The following KIAA1328 variants were observed in gnomAD, a reference collection of about 807,000 sequenced individuals.
KIAA1328 encodes KIAA1328.
Under a neutral mutation model 68.1 loss-of-function variants are expected in KIAA1328, and 52 were observed. That is an observed-to-expected ratio of 0.76 (90% CI 0.61 to 0.96). KIAA1328 has a LOEUF of 0.96. KIAA1328 is among the 40% of genes least tolerant of loss of function. KIAA1328 has a pLI of 0.00. For missense variants in KIAA1328, 641 were observed against 677.6 expected (o/e 0.95, Z 0.60); for synonymous variants, 232 against 239.4 (o/e 0.97, Z 0.28).
chr18:36,838,730 A>G (rs1393652970), intron 3 of KIAA1328, among the ~76,000 whole-genome samples: 2 of 150,074 alleles, frequency 1.3e-5, no homozygotes, highest in African/African-American at 4.9e-5. Flanking sequence ...GTTATAGTAT[A>G]CCCTGGAGTA....
chr18:37,153,135 T>G (rs2059074577), intron 7 of KIAA1328, among the ~76,000 whole-genome samples: 1 of 152,186 alleles, frequency 6.6e-6, no homozygotes, highest in South Asian at 2.1e-4. Flanking sequence ...ACCAATCTTT[T>G]GGGCCTTATG....
chr18:37,205,000 C>T (rs2060191088), intron 9 of KIAA1328, among the ~76,000 whole-genome samples: 1 of 151,892 alleles, frequency 6.6e-6, no homozygotes, highest in South Asian at 2.1e-4. Context: ...ACCAAAGGCA[C>T]CTTCTCAAGA....
intron 7 of KIAA1328, among the ~76,000 whole-genome samples, chr18:37,086,483 A>G (rs906798692): frequency 2.6e-5 from 4 of 152,086 alleles, no homozygotes; most frequent in Non-Finnish European, 5.9e-5. Flanking sequence ...CTTACCTATC[A>G]TCCTGGAAAT....
At chr18:37,109,652 C>T (rs565455080) in intron 7 of KIAA1328, among the ~76,000 whole-genome samples, 38 of 152,250 alleles carry the variant, frequency 2.5e-4, no homozygotes, top group African/African-American at 8.7e-4. Context: ...GTTGCTGCTA[C>T]CACTTATTAA....
chr18:36,900,227 T>G (rs1362240632), intron 5 of KIAA1328, among the ~76,000 whole-genome samples: 6 of 151,986 alleles, frequency 3.9e-5, no homozygotes, highest in African/African-American at 1.4e-4. Flanking sequence ...ATGTTGATAA[T>G]TTTACATAAA....
At chr18:36,852,711 AT>A (rs1406240334) in intron 4 of KIAA1328, among the ~76,000 whole-genome samples, 11 of 151,950 alleles carry the variant, frequency 7.2e-5, no homozygotes, top group African/African-American at 2.7e-4. Flanking sequence ...TTTTGTTATC[AT>A]TTCTATGTTC....
intron 5 of KIAA1328, among the ~76,000 whole-genome samples, chr18:36,926,013 TTTG>T (rs1182736701): frequency 6.6e-6 from 1 of 152,030 alleles, no homozygotes; most frequent in Non-Finnish European, 1.5e-5. Flanking sequence ...TTAGTATTGT[TTTG>T]TTGTTCTCTG....
intron 9 of KIAA1328, among the ~76,000 whole-genome samples, chr18:37,214,290 AT>A (rs1244872361): frequency 6.6e-6 from 1 of 152,204 alleles, no homozygotes; most frequent in Non-Finnish European, 1.5e-5. Flanking sequence ...TAGGTCTAAC[AT>A]TTAAGTCTTT....
At chr18:37,012,918 T>C (rs1410676412) in intron 6 of KIAA1328, among the ~76,000 whole-genome samples, 2 of 152,198 alleles carry the variant, frequency 1.3e-5, no homozygotes, top group African/African-American at 4.8e-5. Flanking sequence ...TGTCCCTTTT[T>C]GGGACAGCAT....
chr18:36,905,205 G>A (rs576268944), intron 5 of KIAA1328, among the ~76,000 whole-genome samples: 21 of 151,776 alleles, frequency 1.4e-4, no homozygotes, highest in Non-Finnish European at 2.8e-4. Flanking sequence ...TCCGCCTCCC[G>A]GATTCAAGTG....
At chr18:36,939,162 T>C (rs921639689) in intron 5 of KIAA1328, among the ~76,000 whole-genome samples, 1 of 152,172 alleles carries the variant, frequency 6.6e-6, no homozygotes, top group African/African-American at 2.4e-5. Flanking sequence ...AAAATGGCAC[T>C]GAATGTGTTG....
At chr18:37,163,452 G>C (rs997355721) in intron 8 of KIAA1328, among the ~76,000 whole-genome samples, 1 of 152,140 alleles carries the variant, frequency 6.6e-6, no homozygotes, top group African/African-American at 2.4e-5. Context: ...TTACCTGATG[G>C]TAGAGATTGT....
At chr18:36,915,632 T>C (rs1270371084) in intron 5 of KIAA1328, among the ~76,000 whole-genome samples, 1 of 152,144 alleles carries the variant, frequency 6.6e-6, no homozygotes, top group Non-Finnish European at 1.5e-5. Context: ...TAGTATTATC[T>C]TACACACCTT....
chr18:37,154,183 AG>A (rs1205748094), intron 7 of KIAA1328, among the ~76,000 whole-genome samples: 1 of 152,220 alleles, frequency 6.6e-6, no homozygotes, highest in Non-Finnish European at 1.5e-5. Context: ...AGAGTGAGAG[AG>A]GGAAGCAAAT....
At chr18:36,866,195 C>A (rs909770382) in intron 4 of KIAA1328, among the ~76,000 whole-genome samples, 1 of 152,154 alleles carries the variant, frequency 6.6e-6, no homozygotes, top group Non-Finnish European at 1.5e-5. Flanking sequence ...TGCAAGGACA[C>A]CCACCTCACC....
chr18:36,868,895 A>T (rs959047910), intron 4 of KIAA1328, among the ~76,000 whole-genome samples: 2 of 152,180 alleles, frequency 1.3e-5, no homozygotes, highest in Non-Finnish European at 2.9e-5. Flanking sequence ...TTCCCGTTGT[A>T]AAATGAATAA....
At chr18:36,880,457 C>T (rs992496091) in intron 4 of KIAA1328, among the ~76,000 whole-genome samples, 4 of 152,216 alleles carry the variant, frequency 2.6e-5, no homozygotes, top group Non-Finnish European at 4.4e-5. Context: ...AGAGCTGTTT[C>T]TATTTGGCCA....
rs1482109056 is a variant in KIAA1328 at position 36,968,445 on chromosome 18, CAG to C, written c.576+9012_576+9013del. Among the ~76,000 whole-genome samples, 3 of 151,966 alleles carry C rather than the reference CAG, an allele frequency of 2.0e-5. No individual in the cohort carries two copies. In the East Asian group the frequency reaches 5.8e-4, roughly 29 times the overall value. On this transcript the variant is annotated intron_variant, in intron 6 of 9. Coordinates refer to ENST00000280020, the MANE Select transcript of KIAA1328 (RefSeq NM_020776.3). Reference sequence around the variant, plus strand: ...AAAAATCTACCAAGCAAATAAAAAACAGAAAAAAGTAAGGGTTGCAATTCTAA... The same window carrying C: ...AAAAATCTACCAAGCAAATAAAAAACAAAAAAGTAAGGGTTGCAATTCTAA...
intron 7 of KIAA1328, among the ~76,000 whole-genome samples, chr18:37,082,166 A>ATTTTTTTTTTT (rs34106395): frequency 1.0e-5 from 1 of 100,424 alleles, no homozygotes; most frequent in African/African-American, 4.2e-5. Context: ...TGCCCCAAGG[A>ATTTTTTTTTTT]TTTTTTTTTT....
Sources: allele counts gnomAD v4.1 joint callset (sites outside exome capture counted in the v4.1 genomes callset), GRCh38; gene constraint gnomAD v4.1.1; transcripts MANE v1.5; gene names NCBI Gene and HGNC (gene_info 2026-07-23, HGNC 2026-07-21).